Variants in GATAD2A observed in about 807,000 individuals in gnomAD.
GATAD2A encodes transcriptional repressor p66-alpha.
GATAD2A carries 12 observed loss-of-function variants against 68.5 expected under a neutral mutation model. The ratio of observed to expected loss-of-function variants is 0.18; its 90% CI spans 0.11 to 0.28. GATAD2A has a LOEUF of 0.28. Among genes scored for constraint, GATAD2A ranks in the 10% least tolerant of loss-of-function variants. GATAD2A has a pLI of 1.00. For synonymous variants in GATAD2A, 410 were observed against 375.3 expected (o/e 1.09, Z -1.07); for missense variants, 755 against 868.5 (o/e 0.87, Z 1.64).
intron 1 of GATAD2A, among the ~76,000 whole-genome samples, chr19:19,437,832 A>G (rs1473857490): frequency 1.3e-5 from 2 of 152,178 alleles, no homozygotes; most frequent in Non-Finnish European, 2.9e-5. Flanking sequence ...ATTGATGGAC[A>G]TTTGAGTTGT....
At chr19:19,409,802 G>A (rs1600036470) in intron 1 of GATAD2A, among the ~76,000 whole-genome samples, 1 of 152,178 alleles carries the variant, frequency 6.6e-6, no homozygotes, top group Non-Finnish European at 1.5e-5. Flanking sequence ...CAGCATCCCC[G>A]CAAACAGGAT....
At chr19:19,458,348 G>A (rs2057127584) in intron 1 of GATAD2A, 1 of 152,188 alleles carries the variant, frequency 6.6e-6, no homozygotes, top group African/African-American at 2.4e-5. Flanking sequence ...CAGTCCCCAT[G>A]TCTTGGAGTT....
intron 9 of GATAD2A, 84 bp from the exon 10 acceptor site, chr19:19,501,885 G>T (rs1600308454): frequency 1.9e-6 from 2 of 1,030,142 alleles, no homozygotes; most frequent in East Asian, 2.4e-5. Context: ...CAGGGGACGG[G>T]CCTGTCCTGT....
chr19:19,459,726 C>G (rs2057256874), intron 1 of GATAD2A, among the ~76,000 whole-genome samples: 4 of 152,206 alleles, frequency 2.6e-5, no homozygotes, highest in Admixed American at 2.0e-4. Flanking sequence ...CATCTTGTGT[C>G]CTTGGTCCTG....
intron 7 of GATAD2A, among the ~76,000 whole-genome samples, chr19:19,497,110 T>C (rs1268911142): frequency 2.0e-5 from 3 of 152,186 alleles, no homozygotes; most frequent in Non-Finnish European, 4.4e-5. Flanking sequence ...AATATCTTTA[T>C]TTTATTATGA....
chr19:19,455,016 T>G (rs2056794801), intron 1 of GATAD2A, among the ~76,000 whole-genome samples: 2 of 152,134 alleles, frequency 1.3e-5, no homozygotes, highest in Admixed American at 6.5e-5. Context: ...GGCCTCCATA[T>G]CCTTGTGTTT....
At chr19:19,433,999 C>T (rs1178628014) in intron 1 of GATAD2A, among the ~76,000 whole-genome samples, 2 of 152,230 alleles carry the variant, frequency 1.3e-5, no homozygotes, top group African/African-American at 4.8e-5. Flanking sequence ...CCTTGAACTC[C>T]TGAGCTCAAT....
At chr19:19,480,523 A>T (rs1488541736) in intron 2 of GATAD2A, among the ~76,000 whole-genome samples, 1 of 152,206 alleles carries the variant, frequency 6.6e-6, no homozygotes, top group Non-Finnish European at 1.5e-5. Flanking sequence ...GTTTCTCTTC[A>T]TGGCGCCATT....
intron 1 of GATAD2A, among the ~76,000 whole-genome samples, chr19:19,406,388 G>A (rs1380752709): frequency 2.6e-5 from 4 of 151,120 alleles, no homozygotes; most frequent in Admixed American, 2.6e-4. Flanking sequence ...ACGTGGGCGC[G>A]CGGGGCGGGG....
chr19:19,474,987 T>A (rs1048979916), intron 2 of GATAD2A, among the ~76,000 whole-genome samples: 1 of 152,232 alleles, frequency 6.6e-6, no homozygotes, highest in Non-Finnish European at 1.5e-5. Flanking sequence ...CCACTGCCCC[T>A]TGTGCTAGTC....
chr19:19,455,655 G>A (rs2056856535), intron 1 of GATAD2A, among the ~76,000 whole-genome samples: 1 of 152,164 alleles, frequency 6.6e-6, no homozygotes, highest in African/African-American at 2.4e-5. Context: ...ATGGAAGGAT[G>A]TACGTAGGTT....
At chr19:19,410,312 C>T (rs1027787526) in intron 1 of GATAD2A, among the ~76,000 whole-genome samples, 2 of 66,204 alleles carry the variant, frequency 3.0e-5, no homozygotes, top group Non-Finnish European at 5.5e-5. Flanking sequence ...CCCAGCAAGT[C>T]AAAGTGGGAG....
intron 1 of GATAD2A, among the ~76,000 whole-genome samples, chr19:19,414,530 C>CTTTTTTTTTT (rs758728889): frequency 1.4e-5 from 1 of 70,208 alleles, no homozygotes; most frequent in Non-Finnish European, 2.7e-5. Context: ...AGGGCCTTGT[C>CTTTTTTTTTT]TTTTTTTTTT....
chr19:19,435,193 C>A (rs1321293401), intron 1 of GATAD2A: 2 of 517,858 alleles, frequency 3.9e-6, no homozygotes, highest in Admixed American at 2.0e-5. Context: ...GTACCTGGAA[C>A]ATACTCCTAA....
At chr19:19,453,127 C>A (rs2056560498) in intron 1 of GATAD2A, among the ~76,000 whole-genome samples, 1 of 152,116 alleles carries the variant, frequency 6.6e-6, no homozygotes, top group Admixed American at 6.5e-5. Flanking sequence ...TGAAACCTCC[C>A]CTCCTCAGCG....
intron 1 of GATAD2A, among the ~76,000 whole-genome samples, chr19:19,462,359 G>T (rs1160408497): frequency 6.6e-6 from 1 of 152,212 alleles, no homozygotes; most frequent in African/African-American, 2.4e-5. Flanking sequence ...CAGTGGAGGA[G>T]GCTCCTGCCA....
chr19:19,502,064 CG>C, intron 10 of GATAD2A, 21 bp downstream of exon 10: 1 of 1,584,562 alleles, frequency 6.3e-7, no homozygotes, highest in Non-Finnish European at 8.7e-7. Context: ...CACTGGGCGC[CG>C]GGAGCCTCGC....
intron 1 of GATAD2A, among the ~76,000 whole-genome samples, chr19:19,412,748 C>T (rs964147921): frequency 2.6e-5 from 4 of 152,198 alleles, no homozygotes; most frequent in Admixed American, 2.6e-4. Context: ...CCATTCTGTG[C>T]AATTAACCTT....
rs1262732385 is a variant in GATAD2A at position 19,505,437 on chromosome 19, C to T, written c.1868C>T (p.Pro623Leu). ...CGAGAGTACCTCCTGGACATGATCC[C>T]ACCCCGCTCCATCCCCCAGTCAGCC... ...RQREYLLDMIPPRSIPQSATW... is the reference protein window; with the variant it reads ...RQREYLLDMILPRSIPQSATW... Residue 623 changes from proline to leucine, a missense_variant, in exon 12 of 12, where the codon CCA (proline) becomes CTA (leucine). Physicochemically the swap from Pro to Leu is moderately conservative, Grantham distance 98 (BLOSUM62 -3). Transcript: ENST00000683918. 1.2e-6 allele frequency: 2 copies of T among 1,609,160 alleles called. No individual in the cohort carries two copies. The highest frequency in any genetic ancestry group is 2.3e-5 in the East Asian group (1 of 44,434).
Sources: allele counts gnomAD v4.1 joint callset (sites outside exome capture counted in the v4.1 genomes callset), GRCh38; gene constraint gnomAD v4.1.1; transcripts MANE v1.5; gene names NCBI Gene and HGNC (gene_info 2026-07-23, HGNC 2026-07-21).